The following EHD4 variants were observed in gnomAD, a reference collection of about 807,000 sequenced individuals.
EHD4 encodes EH domain-containing protein 4.
A neutral mutation model predicts 51.0 loss-of-function variants in EHD4; 37 were observed. That is an observed-to-expected ratio of 0.73 (90% confidence interval 0.56 to 0.95). The LOEUF is 0.95. EHD4 is among the 40% of genes least tolerant of loss of function. The pLI is 0.00. For synonymous variants in EHD4, 297 were observed against 317.3 expected, an observed-to-expected ratio of 0.94 and a Z score of 0.68; for missense variants, 632 against 733.1, an observed-to-expected ratio of 0.86 and a Z score of 1.59.
At chr15:41,969,475 G>T (rs530939531) in intron 1 of EHD4, among the ~76,000 whole-genome samples, 3 of 152,332 alleles carry the variant, frequency 2.0e-5, no homozygotes, top group Non-Finnish European at 1.5e-5. Flanking sequence ...GAACCCGGGA[G>T]GGGGAGGTTG....
intron 1 of EHD4, among the ~76,000 whole-genome samples, chr15:41,956,168 G>C (rs1049139048): frequency 6.6e-6 from 1 of 152,164 alleles, no homozygotes; most frequent in Non-Finnish European, 1.5e-5. Context: ...TGGCCAAGAC[G>C]GCCTACAAAA....
intron 2 of EHD4, among the ~76,000 whole-genome samples, chr15:41,951,125 C>T (rs2067849916): frequency 6.6e-6 from 1 of 152,208 alleles, no homozygotes; most frequent in Non-Finnish European, 1.5e-5. Flanking sequence ...CAGCACTGAT[C>T]TCACTGGTGG....
chr15:41,972,190 G>A, intron 1 of EHD4, 69 bp downstream of exon 1: 2 of 1,271,824 alleles, frequency 1.6e-6, no homozygotes, highest in Non-Finnish European at 2.0e-6. Flanking sequence ...GGCGGGAGGC[G>A]GCCGACTGCG....
At chr15:41,907,824 C>CTGTGTG (rs10522331) in intron 5 of EHD4, among the ~76,000 whole-genome samples, 3,395 of 131,962 alleles carry the variant, frequency 0.026, 85 homozygotes, top group Admixed American at 0.068. Context: ...CGCCCAGGCT[C>CTGTGTG]TGTGTGTGTG....
At position 41,972,437 on chromosome 15, in the gene EHD4, C is replaced by T. The variant is rs1397305088; in HGVS notation, c.58G>A (p.Ala20Thr). 1 of 1,590,302 alleles carries T rather than the reference C, an allele frequency of 6.3e-7. No individual in the cohort carries two copies. Among genetic ancestry groups the T allele is most frequent in the Non-Finnish European group, 8.5e-7 (1 of 1,170,384 alleles). Residue 20 changes from alanine (A) to threonine (T), a missense_variant, in exon 1 of 6, where the codon GCG becomes ACG. Transcript: ENST00000220325. Reference protein sequence around the residue: ...GGRERAGGADAVQTVTGGLRS... With the variant: ...GGRERAGGADTVQTVTGGLRS... The stretch of plus-strand genomic sequence containing the variant: ...AGCCCGCCCGTCACCGTCTGCACCG[C>T]GTCCGCGCCGCCAGCGCGTTCGCGC...
intron 2 of EHD4, among the ~76,000 whole-genome samples, chr15:41,947,581 C>A (rs8035074): frequency 1.3e-5 from 2 of 151,962 alleles, no homozygotes; most frequent in African/African-American, 4.8e-5. Context: ...TAAATTTGCA[C>A]AGTAAATAGA....
chr15:41,943,218 C>A (rs2067788502), intron 2 of EHD4, 54 bp from the exon 3 acceptor site: 1 of 1,425,418 alleles, frequency 7.0e-7, no homozygotes, highest in Non-Finnish European at 9.6e-7. Context: ...CAGAGTGCTC[C>A]AACCATGGGG....
intron 4 of EHD4, among the ~76,000 whole-genome samples, chr15:41,918,417 T>G (rs1219090962): frequency 2.0e-5 from 3 of 152,188 alleles, no homozygotes; most frequent in African/African-American, 4.8e-5. Context: ...TAGAGGACAA[T>G]GATTTTATGA....
intron 3 of EHD4, chr15:41,942,145 C>T (rs2140998840): frequency 6.6e-6 from 1 of 152,352 alleles, no homozygotes; most frequent in South Asian, 2.1e-4. Context: ...CTGACCCTCC[C>T]GATCAGGCAT....
At chr15:41,969,363 A>G (rs1240226384) in intron 1 of EHD4, among the ~76,000 whole-genome samples, 1 of 152,202 alleles carries the variant, frequency 6.6e-6, no homozygotes, top group South Asian at 2.1e-4. Flanking sequence ...CCTGACCAAC[A>G]TGGAAAAACC....
intron 2 of EHD4, among the ~76,000 whole-genome samples, chr15:41,944,748 A>G (rs903784626): frequency 1.3e-5 from 2 of 152,208 alleles, no homozygotes; most frequent in African/African-American, 4.8e-5. Flanking sequence ...GGCTGGTTGC[A>G]GACTGCAACC....
intron 2 of EHD4, among the ~76,000 whole-genome samples, chr15:41,944,798 A>G (rs1458222049): frequency 6.6e-6 from 1 of 152,214 alleles, no homozygotes; most frequent in Admixed American, 6.5e-5. Flanking sequence ...TTAACCCACA[A>G]AGTTAAAAAC....
At chr15:41,925,531 A>G (rs886937023) in intron 3 of EHD4, among the ~76,000 whole-genome samples, 9 of 152,226 alleles carry the variant, frequency 5.9e-5, no homozygotes, top group African/African-American at 2.2e-4. Context: ...CAACATAATC[A>G]TAGAATCATC....
intron 3 of EHD4, among the ~76,000 whole-genome samples, chr15:41,925,512 T>C (rs16972281): frequency 0.023 from 3,528 of 152,282 alleles, 159 homozygotes; most frequent in African/African-American, 0.081. Flanking sequence ...GTGTTGTGGG[T>C]GCAGGACTCA....
chr15:41,922,594 C>T (rs2067634162), intron 3 of EHD4, among the ~76,000 whole-genome samples: 1 of 152,210 alleles, frequency 6.6e-6, no homozygotes, highest in Admixed American at 6.5e-5. Context: ...CTCTCTTCCT[C>T]CCAGGGCCGC....
intron 2 of EHD4, among the ~76,000 whole-genome samples, chr15:41,950,245 T>C (rs1383623512): frequency 6.6e-6 from 1 of 152,232 alleles, no homozygotes. Context: ...TTTGCTGGTT[T>C]GCTTAATGGT....
At chr15:41,931,862 A>G (rs752651434) in intron 3 of EHD4, among the ~76,000 whole-genome samples, 2 of 152,046 alleles carry the variant, frequency 1.3e-5, no homozygotes, top group African/African-American at 2.4e-5. Context: ...TTTTTAGTAG[A>G]GACAGGGTTT....
chr15:41,936,335 C>T (rs1472312918), intron 3 of EHD4, among the ~76,000 whole-genome samples: 1 of 152,128 alleles, frequency 6.6e-6, no homozygotes, highest in African/African-American at 2.4e-5. Flanking sequence ...GCTCTCTGTG[C>T]CTCAGTCTTC....
intron 3 of EHD4, among the ~76,000 whole-genome samples, chr15:41,933,244 T>C (rs1463110184): frequency 1.3e-5 from 2 of 152,038 alleles, no homozygotes; most frequent in Non-Finnish European, 2.9e-5. Flanking sequence ...ATGGTCGAGA[T>C]GCCTGCCTGC....
Sources: allele counts gnomAD v4.1 joint callset (sites outside exome capture counted in the v4.1 genomes callset), GRCh38; gene constraint gnomAD v4.1.1; transcripts MANE v1.5; gene names NCBI Gene and HGNC (gene_info 2026-07-23, HGNC 2026-07-21).